Variants in MED13 observed in about 807,000 individuals in gnomAD.
MED13 encodes the protein mediator complex subunit 13, also known as mediator of RNA polymerase II transcription subunit 13.
MED13 carries 23 observed loss-of-function variants against 225.2 expected under a neutral mutation model. That is an observed-to-expected ratio of 0.10 (90% CI 0.07 to 0.14). The LOEUF is 0.14. Ranked by LOEUF, MED13 falls within the 10% of genes least tolerant of loss-of-function variation. MED13 has a pLI of 1.00. For synonymous variants in MED13, 942 were observed against 889.2 expected (o/e 1.06, Z -1.06); for missense variants, 2,197 against 2,594.5 (o/e 0.85, Z 3.33).
intron 17 of MED13, among the ~76,000 whole-genome samples, chr17:61,971,942 A>C (rs2080113687): frequency 6.6e-6 from 1 of 152,132 alleles, no homozygotes; most frequent in Non-Finnish European, 1.5e-5. Flanking sequence ...TCCAAAAAAA[A>C]CCAAATAAAT....
chr17:61,993,194 TTCTTTC>T (rs1017145017), intron 10 of MED13, among the ~76,000 whole-genome samples: 5 of 139,246 alleles, frequency 3.6e-5, no homozygotes, highest in African/African-American at 1.6e-4. Flanking sequence ...CTTTCTTTCT[TTCTTTC>T]TTTTTTTTTT....
chr17:61,990,171 T>C (rs1026899794), intron 11 of MED13, among the ~76,000 whole-genome samples: 1 of 152,150 alleles, frequency 6.6e-6, no homozygotes, highest in Non-Finnish European at 1.5e-5. Flanking sequence ...TAATAACATA[T>C]TGTATACTTG....
chr17:61,955,852 C>G lies in MED13; in HGVS notation c.5624-14G>C. ...AACAGCTCCAATCTGTGGGTATCAA[C>G]AGTAAAAAAAAAAAAAAAAAAAAAA... On this transcript the variant is annotated splice_polypyrimidine_tract_variant and intron_variant, in intron 24 of 29. Coordinates refer to ENST00000397786, the MANE Select transcript of MED13 (RefSeq NM_005121.3). 5.3e-6 allele frequency: 1 copy of G among 187,802 alleles called. No homozygotes were observed. Among genetic ancestry groups the G allele is most frequent in the Non-Finnish European group, 7.1e-6 (1 of 140,184 alleles). 11.6% of individuals were successfully genotyped at this position (187,802 alleles called of 1,614,324 possible).
chr17:62,011,122 A>T lies in MED13; in HGVS notation c.1395T>A (p.Ser465Arg). ...KHKTNEKQEK[S>R]EKPQKRPLTP... ...TCAAGGGGCGTTTCTGTGGCTTTTC[A>T]CTCTTTTCTTGCTTCTCATTGGTCT... Residue 465 changes from serine (S) to arginine (R), a missense_variant, in exon 9 of 30, where the codon AGT (serine) becomes AGA (arginine). Around this residue, in one of 12 missense-constraint regions of MED13, gnomAD observed 884 missense variants for 918.5 expected, o/e 0.96. Transcript: ENST00000397786. 1 of 1,613,294 alleles carries T rather than the reference A, an allele frequency of 6.2e-7. No individual in the cohort carries two copies. The highest frequency in any genetic ancestry group is 8.5e-7 in the Non-Finnish European group (1 of 1,179,836).
rs566036147 is a variant in MED13 at position 61,944,653 on chromosome 17, A to G, written c.*1815T>C. On this transcript the variant is annotated 3_prime_UTR_variant, in exon 30 of 30. Transcript: ENST00000397786. ...GAAAGTGATATTTAATTCTAAGCAC[A>G]GAGTATTCACAAAAACAAGTTTCAG... 2.0e-5 allele frequency: 3 copies of G among 152,426 alleles called. No homozygotes were observed. The highest frequency in any genetic ancestry group is 4.1e-4 in the South Asian group (2 of 4,834). The allele number at this position is 152,426 out of a possible 1,614,324, so 9.4% of individuals were successfully genotyped here.
At chr17:61,955,089 A>G (rs2079930775) in intron 26 of MED13, among the ~76,000 whole-genome samples, 1 of 152,136 alleles carries the variant, frequency 6.6e-6, no homozygotes, top group African/African-American at 2.4e-5. Flanking sequence ...AAAGTCAGCA[A>G]CATAGCATCT....
At chr17:61,953,696 G>GT (rs1410613884) in intron 26 of MED13, among the ~76,000 whole-genome samples, 1 of 152,222 alleles carries the variant, frequency 6.6e-6, no homozygotes, top group Non-Finnish European at 1.5e-5. Context: ...TTCCAGAACT[G>GT]TAAGATAAAA....
At chr17:61,987,586 G>GA (rs576996049) in intron 11 of MED13, among the ~76,000 whole-genome samples, 2 of 151,702 alleles carry the variant, frequency 1.3e-5, no homozygotes, top group Non-Finnish European at 2.9e-5. Context: ...TGTTTTTATA[G>GA]AAAAAAAAGT....
Position 61,984,743 on chromosome 17 carries a change from T to C in MED13, c.2599A>G (p.Thr867Ala), listed in dbSNP as rs1360171787. 6.2e-7 allele frequency: 1 copy of C among 1,613,868 alleles called. No individual in the cohort carries two copies. Among genetic ancestry groups the C allele is most frequent in the Non-Finnish European group, 8.5e-7 (1 of 1,179,886 alleles). ...CTAGAACTATTTCCTTCTAGAACAG[T>C]TCCTCCAGGTGTTGTATCCATACTA... is the stretch of plus-strand genomic sequence containing the variant. The part of the protein sequence containing the change: ...YGSMDTTPGG[T>A]VLEGNSSSIG... Residue 867 changes from threonine (T) to alanine (A), a missense_variant, in exon 14 of 30, where the codon ACT becomes GCT. Physicochemically the swap from Thr to Ala is moderately conservative, Grantham distance 58. This residue lies in a region of MED13 where 160 missense variants were observed against 184.8 expected (regional missense o/e 0.87). Coordinates refer to ENST00000397786, the MANE Select transcript of MED13 (RefSeq NM_005121.3).
At chr17:62,030,723 G>T (rs1401582246) in intron 6 of MED13, 1 of 152,156 alleles carries the variant, frequency 6.6e-6, no homozygotes, top group Non-Finnish European at 1.5e-5. Flanking sequence ...ATTGTAAAAA[G>T]TTCTTCTGTG....
At chr17:61,988,005 G>C (rs2080263347) in intron 11 of MED13, among the ~76,000 whole-genome samples, 1 of 151,728 alleles carries the variant, frequency 6.6e-6, no homozygotes, top group South Asian at 2.1e-4. Context: ...TGTTTCTGAA[G>C]TGCTGGGATT....
chr17:61,964,943 A>C, intron 20 of MED13, 63 bp downstream of exon 20: 1 of 1,469,910 alleles, frequency 6.8e-7, no homozygotes, highest in Admixed American at 2.2e-5. Flanking sequence ...CTCAAGAAAA[A>C]AAAAGAAAGA....
At chr17:62,037,114 G>A (rs541827396) in intron 3 of MED13, among the ~76,000 whole-genome samples, 1 of 152,074 alleles carries the variant, frequency 6.6e-6, no homozygotes, top group South Asian at 2.1e-4. Context: ...TTAGCCAGGC[G>A]CAGTGGCAGG....
At chr17:62,026,535 G>T (rs1164703321) in intron 8 of MED13, among the ~76,000 whole-genome samples, 1 of 144,418 alleles carries the variant, frequency 6.9e-6, no homozygotes, top group East Asian at 2.0e-4. Context: ...AGTGGCACAA[G>T]ATAAGAATGC....
At chr17:62,017,435 A>C (rs1424927248) in intron 8 of MED13, among the ~76,000 whole-genome samples, 1 of 152,196 alleles carries the variant, frequency 6.6e-6, no homozygotes, top group Non-Finnish European at 1.5e-5. Flanking sequence ...AAAAAGGAAA[A>C]AATAACAGTA....
Position 61,964,953 on chromosome 17 carries a change from A to C in MED13, c.4844+53T>G, listed in dbSNP as rs574627655. Reference sequence around the variant, plus strand: ...TGTGTCTCAAGAAAAAAAAAGAAAGAAGCAGCATCATAGTTTTTATATTTC... The same window carrying C: ...TGTGTCTCAAGAAAAAAAAAGAAAGCAGCAGCATCATAGTTTTTATATTTC... On this transcript the variant is annotated intron_variant, in intron 20 of 29. Coordinates refer to ENST00000397786, the MANE Select transcript of MED13 (RefSeq NM_005121.3). 618 of 1,500,154 alleles carry C rather than the reference A, an allele frequency of 4.1e-4. 1 individual carries two copies. The African/African-American group carries it at 6.6e-3, about 16-fold the overall frequency. The allele number at this position is 1,500,154 out of a possible 1,614,324, so 92.9% of individuals were successfully genotyped here.
intron 3 of MED13, among the ~76,000 whole-genome samples, chr17:62,048,044 A>ATATATATATATATATATATGTATATATG (rs2080915613): frequency 1.1e-5 from 1 of 87,724 alleles, no homozygotes; most frequent in Non-Finnish European, 2.3e-5. Context: ...ATACATATAC[A>ATATATATATATATATATATGTATATATG]TATATATATA....
chr17:61,948,596 C>A (rs1412810993), intron 28 of MED13, among the ~76,000 whole-genome samples: 1 of 151,714 alleles, frequency 6.6e-6, no homozygotes, highest in Admixed American at 6.6e-5. Context: ...TCCCAAAGGA[C>A]CAAAGAATCC....
At chr17:61,972,956 T>C in intron 16 of MED13, 68 bp from the exon 17 acceptor site, 1 of 1,387,220 alleles carries the variant, frequency 7.2e-7, no homozygotes, top group Non-Finnish European at 9.8e-7. Context: ...AATTTTAAGA[T>C]AATACAAAAC....
Sources: gnomAD v4.1 joint callset for allele counts (sites outside exome capture counted in the v4.1 genomes callset) on GRCh38, gnomAD v4.1.1 for gene constraint, gnomAD v4.1.1 regional missense constraint, MANE v1.5 for transcripts, NCBI Gene and HGNC (gene_info 2026-07-23, HGNC 2026-07-21) for gene names.